Variants in MTSS1 observed in about 807,000 individuals in gnomAD.
The protein encoded by MTSS1 is MTSS I-BAR domain containing 1, also known as protein MTSS 1.
Under a neutral mutation model 79.0 loss-of-function variants are expected in MTSS1, and 18 were observed. The observed-to-expected ratio is 0.23, with a 90% CI of 0.16 to 0.34. MTSS1 has a LOEUF of 0.34. Ranked by LOEUF, MTSS1 falls within the 10% of genes least tolerant of loss-of-function variation. MTSS1 has a pLI of 1.00. For synonymous variants in MTSS1, 341 were observed against 368.6 expected (o/e 0.93, Z 0.86); for missense variants, 815 against 986.2 (o/e 0.83, Z 2.33).
At chr8:124,607,921 T>G (rs539997265) in intron 3 of MTSS1, among the ~76,000 whole-genome samples, 5 of 152,240 alleles carry the variant, frequency 3.3e-5, no homozygotes, top group African/African-American at 1.2e-4. Flanking sequence ...GTTCGGTAAA[T>G]AAGATTTTAC....
chr8:124,725,045 C>T (rs1319728895), intron 1 of MTSS1, among the ~76,000 whole-genome samples: 2 of 152,168 alleles, frequency 1.3e-5, no homozygotes, highest in African/African-American at 2.4e-5. Flanking sequence ...CGTTCATTAG[C>T]GACCACCACC....
At chr8:124,609,225 C>G (rs553417561) in intron 3 of MTSS1, among the ~76,000 whole-genome samples, 2 of 152,302 alleles carry the variant, frequency 1.3e-5, no homozygotes, top group African/African-American at 4.8e-5. Context: ...GCTGCTGGGA[C>G]AGTCTCCTGC....
intron 6 of MTSS1, among the ~76,000 whole-genome samples, chr8:124,570,274 G>C (rs1289721418): frequency 6.6e-6 from 1 of 152,170 alleles, no homozygotes; most frequent in African/African-American, 2.4e-5. Flanking sequence ...ACAGCTTTGT[G>C]TATATAACTC....
chr8:124,613,638 G>A (rs966219676), intron 3 of MTSS1, among the ~76,000 whole-genome samples: 5 of 152,152 alleles, frequency 3.3e-5, no homozygotes, highest in African/African-American at 4.8e-5. Flanking sequence ...GGGCTGCTAC[G>A]TACAGCTCCA....
At chr8:124,691,301 G>A (rs1827892765) in intron 3 of MTSS1, among the ~76,000 whole-genome samples, 1 of 152,092 alleles carries the variant, frequency 6.6e-6, no homozygotes. Context: ...CTTAGGAGCT[G>A]GAAAATTTAT....
At chr8:124,709,064 T>C (rs962987972) in intron 1 of MTSS1, among the ~76,000 whole-genome samples, 1 of 152,064 alleles carries the variant, frequency 6.6e-6, no homozygotes, top group Non-Finnish European at 1.5e-5. Flanking sequence ...AGTTTTACTA[T>C]AATAATTCAA....
chr8:124,580,336 A>C (rs10505444), intron 6 of MTSS1: 5,519 of 546,442 alleles, frequency 0.01, 194 homozygotes, highest in African/African-American at 0.089. Context: ...TGTTGTGCTA[A>C]CATCGTAAAT....
At chr8:124,603,483 A>T (rs1265877845) in intron 3 of MTSS1, among the ~76,000 whole-genome samples, 1 of 152,256 alleles carries the variant, frequency 6.6e-6, no homozygotes, top group East Asian at 1.9e-4. Context: ...CATCATTTTC[A>T]TTAAAGGTCA....
intron 3 of MTSS1, among the ~76,000 whole-genome samples, chr8:124,604,049 T>C (rs554850953): frequency 6.6e-6 from 1 of 152,064 alleles, no homozygotes; most frequent in South Asian, 2.1e-4. Flanking sequence ...CCATCTCTAC[T>C]AAAAATACAA....
At chr8:124,631,138 C>T (rs1196159386) in intron 3 of MTSS1, among the ~76,000 whole-genome samples, 3 of 152,194 alleles carry the variant, frequency 2.0e-5, no homozygotes, top group Non-Finnish European at 4.4e-5. Context: ...ACACGCAGCA[C>T]AGAGGTCAAA....
intron 3 of MTSS1, among the ~76,000 whole-genome samples, chr8:124,653,249 G>T (rs988669707): frequency 1.3e-5 from 2 of 152,228 alleles, no homozygotes; most frequent in African/African-American, 4.8e-5. Context: ...GTGACAATTG[G>T]TTGGGGACAG....
intron 3 of MTSS1, among the ~76,000 whole-genome samples, chr8:124,648,396 T>C (rs949556593): frequency 6.6e-6 from 1 of 152,088 alleles, no homozygotes; most frequent in Non-Finnish European, 1.5e-5. Context: ...AAGGAGTTGC[T>C]TAAGAAAACC....
At chr8:124,611,457 C>A (rs1278016571) in intron 3 of MTSS1, among the ~76,000 whole-genome samples, 1 of 152,154 alleles carries the variant, frequency 6.6e-6, no homozygotes, top group Non-Finnish European at 1.5e-5. Flanking sequence ...CAGCTGGCAT[C>A]CCCCCATTAC....
chr8:124,708,150 T>G (rs1008807869), intron 1 of MTSS1, among the ~76,000 whole-genome samples: 1 of 152,226 alleles, frequency 6.6e-6, no homozygotes, highest in Non-Finnish European at 1.5e-5. Context: ...GCCCAATCTC[T>G]TGGATTGAAC....
intron 3 of MTSS1, among the ~76,000 whole-genome samples, chr8:124,614,543 C>A (rs1377410674): frequency 6.6e-6 from 1 of 152,206 alleles, no homozygotes; most frequent in African/African-American, 2.4e-5. Flanking sequence ...CACAAAGAGG[C>A]GCAGGATCCA....
intron 3 of MTSS1, among the ~76,000 whole-genome samples, chr8:124,660,787 T>A (rs1587653857): frequency 6.6e-6 from 1 of 152,160 alleles, no homozygotes; most frequent in Non-Finnish European, 1.5e-5. Context: ...GCCCCTCAAC[T>A]CTCCCATGCC....
chr8:124,558,764 G>T (rs755093743), intron 10 of MTSS1: 32 of 1,584,574 alleles, frequency 2.0e-5, no homozygotes, highest in Admixed American at 3.4e-5. Flanking sequence ...TGACAGAGGT[G>T]GGGGAGCTGC....
chr8:124,557,918 A>T (rs1824350942), intron 10 of MTSS1, 43 bp from the exon 11 acceptor site: 1 of 1,466,356 alleles, frequency 6.8e-7, no homozygotes, highest in Non-Finnish European at 9.3e-7. Context: ...AAAAAAAATT[A>T]ATATAACAGG....
rs770601831 is a variant in MTSS1, at chr8:124,727,220, GC to G, written c.72+663del. ...CAGTTATTTCGGGGGCCCCAATCTT[GC>G]CTTTAGGCTCAGCTGGGAGAAGGCG... On this transcript the variant is annotated intron_variant, in intron 1 of 13. Coordinates refer to ENST00000518547, the MANE Select transcript of MTSS1 (RefSeq NM_014751.6). The surrounding 1 kb of genome is among the most constrained non-coding windows in gnomAD (Gnocchi z 4.7). Among the ~76,000 whole-genome samples the G allele has an allele frequency of 2.6e-5, 4 of 152,334 alleles. No individual in the cohort carries two copies. The highest frequency in any genetic ancestry group is 6.5e-5 in the Admixed American group (1 of 15,302).
Sources: gnomAD v4.1 joint callset for allele counts (sites outside exome capture counted in the v4.1 genomes callset) on GRCh38, gnomAD v4.1.1 for gene constraint, Gnocchi (gnomAD v3.1) non-coding constraint, MANE v1.5 for transcripts, NCBI Gene and HGNC (gene_info 2026-07-23, HGNC 2026-07-21) for gene names.